Variants in LDLRAD3 observed in about 807,000 individuals in gnomAD.
LDLRAD3 encodes low-density lipoprotein receptor class A domain-containing protein 3.
In LDLRAD3, 20 loss-of-function variants were observed where a neutral mutation model predicts 29.4. The ratio of observed to expected loss-of-function variants is 0.68; its 90% CI spans 0.48 to 0.99. LDLRAD3 has a LOEUF of 0.99. LDLRAD3 is among the 50% of genes least tolerant of loss of function. The pLI is 0.00. For synonymous variants in LDLRAD3, 157 were observed against 192.7 expected (o/e 0.81, Z 1.53); for missense variants, 420 against 454.3 (o/e 0.92, Z 0.69).
chr11:36,138,307 A>G (rs1327385015), intron 4 of LDLRAD3, among the ~76,000 whole-genome samples: 1 of 152,210 alleles, frequency 6.6e-6, no homozygotes, highest in Non-Finnish European at 1.5e-5. Flanking sequence ...TAAATGAGAT[A>G]ATGTGTGTCG....
At chr11:36,090,463 TG>T (rs1380560400) in intron 3 of LDLRAD3, among the ~76,000 whole-genome samples, 1 of 152,110 alleles carries the variant, frequency 6.6e-6, no homozygotes. Context: ...TGTTTATTTC[TG>T]GGGGAAGGTT....
At chr11:36,014,949 C>T (rs2133191601) in intron 1 of LDLRAD3, among the ~76,000 whole-genome samples, 1 of 152,230 alleles carries the variant, frequency 6.6e-6, no homozygotes, top group South Asian at 2.1e-4. Context: ...GAAGAACCCC[C>T]TAGGATTCCT....
At chr11:36,041,101 A>C (rs527637879) in intron 2 of LDLRAD3, among the ~76,000 whole-genome samples, 1 of 152,320 alleles carries the variant, frequency 6.6e-6, no homozygotes, top group East Asian at 1.9e-4. Context: ...GAGTGCCCTC[A>C]GTGATAGTTT....
chr11:36,010,398 A>C (rs549381313), intron 1 of LDLRAD3, among the ~76,000 whole-genome samples: 1 of 152,336 alleles, frequency 6.6e-6, no homozygotes, highest in South Asian at 2.1e-4. Context: ...GGAATTAGTG[A>C]AGATAGACCC....
At chr11:36,175,410 A>G (rs919212121) in intron 4 of LDLRAD3, among the ~76,000 whole-genome samples, 6 of 151,836 alleles carry the variant, frequency 4.0e-5, no homozygotes, top group East Asian at 1.9e-4. Flanking sequence ...TAGATTGTCT[A>G]TTTGTGCTCT....
At chr11:36,105,205 T>TTGTGTGTGTGTG (rs10565208) in intron 4 of LDLRAD3, among the ~76,000 whole-genome samples, 197 of 138,542 alleles carry the variant, frequency 1.4e-3, no homozygotes, top group African/African-American at 5.2e-3. Flanking sequence ...TCTGCAGAAT[T>TTGTGTGTGTGTG]TGTGTGTGTG....
intron 1 of LDLRAD3, among the ~76,000 whole-genome samples, chr11:35,965,318 A>G (rs562678185): frequency 2.3e-4 from 35 of 152,358 alleles, no homozygotes; most frequent in African/African-American, 8.2e-4. Context: ...AATTCTAAGA[A>G]GAGCTTGCTG....
At position 35,973,589 on chromosome 11, in the gene LDLRAD3, C is replaced by T. The variant is rs138644654; in HGVS notation, c.46+29445C>T. On this transcript the variant is annotated intron_variant, in intron 1 of 5. Coordinates refer to ENST00000315571, the MANE Select transcript of LDLRAD3 (RefSeq NM_174902.4). Reference sequence around the variant, plus strand: ...AAGCTATTCTTCTGCCTTAGCCTCCCGAATAGCTGGGACTACAGGTGCACG... The same window carrying T: ...AAGCTATTCTTCTGCCTTAGCCTCCTGAATAGCTGGGACTACAGGTGCACG... Among the ~76,000 whole-genome samples, 417 of 152,048 alleles carry T rather than the reference C, an allele frequency of 2.7e-3. 1 individual carries two copies. The highest frequency in any genetic ancestry group is 9.7e-3 in the African/African-American group (403 of 41,466).
At chr11:36,219,141 A>G (rs1479279095) in intron 4 of LDLRAD3, among the ~76,000 whole-genome samples, 1 of 152,224 alleles carries the variant, frequency 6.6e-6, no homozygotes, top group Non-Finnish European at 1.5e-5. Flanking sequence ...GCTTTTATCT[A>G]CTTGTGTAGC....
chr11:36,083,066 T>C (rs904418506), intron 3 of LDLRAD3, among the ~76,000 whole-genome samples: 1 of 152,210 alleles, frequency 6.6e-6, no homozygotes, highest in Non-Finnish European at 1.5e-5. Flanking sequence ...GAGAGGAAGG[T>C]ACAGAGATTT....
At chr11:36,179,121 G>T (rs1330625285) in intron 4 of LDLRAD3, among the ~76,000 whole-genome samples, 2 of 152,170 alleles carry the variant, frequency 1.3e-5, no homozygotes, top group Non-Finnish European at 2.9e-5. Flanking sequence ...GGGAATCCCA[G>T]GGTGTTCACT....
At chr11:35,948,014 T>C (rs983232942) in intron 1 of LDLRAD3, among the ~76,000 whole-genome samples, 26 of 152,186 alleles carry the variant, frequency 1.7e-4, no homozygotes, top group African/African-American at 6.3e-4. Context: ...GATGAAACTT[T>C]TTCAGACTAA....
At chr11:36,105,518 T>C (rs555563322) in intron 4 of LDLRAD3, among the ~76,000 whole-genome samples, 27 of 152,228 alleles carry the variant, frequency 1.8e-4, no homozygotes, top group African/African-American at 6.3e-4. Context: ...CAGATGTTAC[T>C]TGTGAAGATG....
chr11:36,225,078 A>G (rs1323518163), intron 4 of LDLRAD3, among the ~76,000 whole-genome samples: 2 of 152,196 alleles, frequency 1.3e-5, no homozygotes, highest in Non-Finnish European at 2.9e-5. Context: ...TGAACAAAAC[A>G]GACGCACACC....
At chr11:35,977,505 G>A (rs1851490744) in intron 1 of LDLRAD3, among the ~76,000 whole-genome samples, 1 of 152,098 alleles carries the variant, frequency 6.6e-6, no homozygotes, top group Non-Finnish European at 1.5e-5. Flanking sequence ...TTTTACTTCT[G>A]AAAACTTCAC....
At position 36,077,324 on chromosome 11, in the gene LDLRAD3, G is replaced by A. The variant is rs541800414; in HGVS notation, c.194-4329G>A. On this transcript the variant is annotated intron_variant, in intron 2 of 5. Transcript: ENST00000315571. Reference sequence around the variant, plus strand: ...CCCTTCTCTTCTTATATGGAGGGCAGCAAAGTACTGTTACGGGATCTTTGG... The same window carrying A: ...CCCTTCTCTTCTTATATGGAGGGCAACAAAGTACTGTTACGGGATCTTTGG... Among the ~76,000 whole-genome samples the A allele has an allele frequency of 5.9e-5, 9 of 152,320 alleles. No homozygotes were observed. In the South Asian group the frequency reaches 1.9e-3, roughly 32 times the overall value.
intron 4 of LDLRAD3, among the ~76,000 whole-genome samples, chr11:36,149,186 T>A (rs1228204337): frequency 6.6e-6 from 1 of 152,216 alleles, no homozygotes; most frequent in Non-Finnish European, 1.5e-5. Flanking sequence ...CCAGGGAAGA[T>A]GGCCTTTCTG....
chr11:36,039,749 C>T (rs78006532), intron 2 of LDLRAD3, among the ~76,000 whole-genome samples: 8,043 of 152,294 alleles, frequency 0.053, 275 homozygotes, highest in South Asian at 0.12. Context: ...CAAGTAGTGA[C>T]ACTGTAACTT....
Position 36,221,058 on chromosome 11 carries a change from T to G in LDLRAD3, c.455-6027T>G, listed in dbSNP as rs1025527358. The stretch of plus-strand genomic sequence containing the variant: ...GAACAGGAATTCTGGACTTAGGAGG[T>G]CAGGCTGGGCCAGGCACGGTGGCTC... On this transcript the variant is annotated intron_variant, in intron 4 of 5. Transcript: ENST00000315571. Among the ~76,000 whole-genome samples, 9 of 151,670 alleles carry G rather than the reference T, an allele frequency of 5.9e-5. 1 individual carries two copies. Among genetic ancestry groups the G allele is most frequent in the African/African-American group, 2.2e-4 (9 of 41,248 alleles).
Sources: allele counts gnomAD v4.1 joint callset (sites outside exome capture counted in the v4.1 genomes callset), GRCh38; gene constraint gnomAD v4.1.1; transcripts MANE v1.5; gene names NCBI Gene and HGNC (gene_info 2026-07-23, HGNC 2026-07-21).